GDF15: variants seen among roughly 807,000 people sequenced by gnomAD.
The protein encoded by GDF15 is growth/differentiation factor 15.
In GDF15, 10 loss-of-function variants were observed where a neutral mutation model predicts 8.9. The ratio of observed to expected loss-of-function variants is 1.12; its 90% confidence interval spans 0.69 to 1.90. The LOEUF is 1.90. Among genes scored for constraint, GDF15 ranks in the 40% most tolerant of loss-of-function variants. The probability of loss-of-function intolerance (pLI) is 0.00; values close to 1 mark genes in which losing one functional copy is unlikely to be tolerated. For synonymous variants in GDF15, 228 were observed against 210.6 expected (o/e 1.08, Z -0.72); for missense variants, 452 against 434.2 (o/e 1.04, Z -0.36).
Position 18,388,288 on chromosome 19 carries a change from C to T in GDF15, c.280C>T (p.Arg94Trp), listed in dbSNP as rs773905547. The T allele has an allele frequency of 1.8e-5, 29 of 1,609,978 alleles. No homozygotes were observed. The Admixed American group carries it at 2.0e-4, about 11-fold the overall frequency. ...PAVRILTPEVRLGSGGHLHLR... is the reference protein window; with the variant it reads ...PAVRILTPEVWLGSGGHLHLR... ...CTTCCCTATCTGTCTTCCCACAGTG[C>T]GGCTGGGATCCGGCGGCCACCTGCA... The change falls in exon 2 of 2, where the codon CGG becomes TGG. Residue 94 changes from arginine (R) to tryptophan (W), a missense_variant and splice_region_variant. Transcript: ENST00000252809. The surrounding 1 kb of genome is among the most constrained non-coding windows in gnomAD (Gnocchi z 4.2).
chr19:18,388,431 G>C lies in GDF15; in HGVS notation c.423G>C (p.Leu141=). 6.2e-7 allele frequency: 1 copy of C among 1,610,318 alleles called. No homozygotes were observed. Among genetic ancestry groups the C allele is most frequent in the Non-Finnish European group, 8.5e-7 (1 of 1,179,304 alleles). ...GGTCGTGGGACGTGACACGACCGCT[G>C]CGGCGTCAGCTCAGCCTTGCAAGAC... is the stretch of plus-strand genomic sequence containing the variant. The part of the protein sequence containing the change: ...ASRSWDVTRP[L]RRQLSLARPQ... The change falls in exon 2 of 2, where the codon CTG becomes CTC. Residue 141 remains leucine, a synonymous_variant. Coordinates refer to ENST00000252809, the MANE Select transcript of GDF15 (RefSeq NM_004864.4). The surrounding 1 kb of genome is among the most constrained non-coding windows in gnomAD (Gnocchi z 4.2).
At position 18,388,137 on chromosome 19, in the gene GDF15, A is replaced by G; in HGVS notation, c.278-149A>G. 1 of 685,768 alleles carries G rather than the reference A, an allele frequency of 1.5e-6. No homozygotes were observed. The highest frequency in any genetic ancestry group is 2.8e-5 in the East Asian group (1 of 35,366). The allele number at this position is 685,768 out of a possible 1,614,324, so 42.5% of individuals were successfully genotyped here. A position where few individuals can be genotyped will look rare whatever the true frequency, so the allele number is the denominator to read the frequency against. ...GGCGTGAGCCACCGCGCCCGCACGGAGAAATGCTCTTGGTAGGGGAAATAA... is the reference window on the plus strand; with the variant it reads ...GGCGTGAGCCACCGCGCCCGCACGGGGAAATGCTCTTGGTAGGGGAAATAA... On this transcript the variant is annotated intron_variant, in intron 1 of 1. Coordinates refer to ENST00000252809, the MANE Select transcript of GDF15 (RefSeq NM_004864.4). This position sits in a 1 kb window ranked among gnomAD's most constrained non-coding sequence, Gnocchi z 4.2.
Position 18,386,437 on chromosome 19 carries a change from C to A in GDF15, c.248C>A (p.Ala83Asp). ...GATTCGAACACCGACCTCGTCCCGG[C>A]CCCTGCAGTCCGGATACTCACGCCA... is the stretch of plus-strand genomic sequence containing the variant. ...WEDSNTDLVPAPAVRILTPEV... is the reference protein window; with the variant it reads ...WEDSNTDLVPDPAVRILTPEV... Residue 83 changes from alanine to aspartate, a missense_variant, in exon 1 of 2, where the codon GCC becomes GAC. Physicochemically the swap from Ala to Asp is moderately radical, Grantham distance 126. Transcript: ENST00000252809. 1 of 1,613,250 alleles carries A rather than the reference C, an allele frequency of 6.2e-7. No homozygotes were observed. The highest frequency in any genetic ancestry group is 8.5e-7 in the Non-Finnish European group (1 of 1,179,848).
chr19:18,388,238 A>G lies in GDF15; in HGVS notation c.278-48A>G. The G allele has an allele frequency of 6.4e-7, 1 of 1,562,588 alleles. No homozygotes were observed. On this transcript the variant is annotated intron_variant, in intron 1 of 1. Coordinates refer to ENST00000252809, the MANE Select transcript of GDF15 (RefSeq NM_004864.4). This position sits in a 1 kb window ranked among gnomAD's most constrained non-coding sequence, Gnocchi z 4.2. Reference sequence around the variant, plus strand: ...GGAAATGGGCACCCTCGTTCCTGGAAAACGGTAGGCCTGTGGGTGACCAGC... The same window carrying G: ...GGAAATGGGCACCCTCGTTCCTGGAGAACGGTAGGCCTGTGGGTGACCAGC...
Position 18,386,493 on chromosome 19 carries a change from C to G in GDF15, c.277+27C>G, listed in dbSNP as rs1391867493. 4 of 1,587,588 alleles carry G rather than the reference C, an allele frequency of 2.5e-6. No homozygotes were observed. The Admixed American group carries it at 6.7e-5, about 27-fold the overall frequency. On this transcript the variant is annotated intron_variant, in intron 1 of 1. Coordinates refer to ENST00000252809, the MANE Select transcript of GDF15 (RefSeq NM_004864.4). ...TAAGTGAAATCTTAGAGATCCCCTC[C>G]CACCCCCCAAGCAGCCCCCATATCT...
chr19:18,386,200 A>C lies in GDF15; in HGVS notation c.11A>C (p.Gln4Pro). Reference sequence around the variant, plus strand: ...GCAACCTGCACAGCCATGCCCGGGCAAGAACTCAGGACGGTGAATGGCTCT... The same window carrying C: ...GCAACCTGCACAGCCATGCCCGGGCCAGAACTCAGGACGGTGAATGGCTCT... The part of the protein sequence containing the change: MPG[Q>P]ELRTVNGSQM... Residue 4 changes from glutamine to proline, a missense_variant, in exon 1 of 2, where the codon CAA becomes CCA. By Grantham distance (76) the Gln-to-Pro change is moderately conservative. Transcript: ENST00000252809. 4 of 1,611,652 alleles carry C rather than the reference A, an allele frequency of 2.5e-6. No homozygotes were observed. The highest frequency in any genetic ancestry group is 3.4e-6 in the Non-Finnish European group (4 of 1,179,310).
Position 18,386,216 on chromosome 19 carries a change from G to A in GDF15, c.27G>A (p.Val9=). The A allele has an allele frequency of 6.2e-7, 1 of 1,612,704 alleles. No individual in the cohort carries two copies. The highest frequency in any genetic ancestry group is 8.5e-7 in the Non-Finnish European group (1 of 1,179,852). The stretch of plus-strand genomic sequence containing the variant: ...TGCCCGGGCAAGAACTCAGGACGGT[G>A]AATGGCTCTCAGATGCTCCTGGTGT... MPGQELRT[V]NGSQMLLVLL... is the part of the protein sequence containing the mutation. The change falls in exon 1 of 2, where the codon GTG becomes GTA. Residue 9 remains valine (V), a synonymous_variant. Coordinates refer to ENST00000252809, the MANE Select transcript of GDF15 (RefSeq NM_004864.4).
In GDF15 at chr19:18,388,857, G is replaced by T; in HGVS notation, c.849G>T (p.Val283=). 6.2e-7 allele frequency: 1 copy of T among 1,612,166 alleles called. No homozygotes were observed. Residue 283 remains valine (V), a synonymous_variant, in exon 2 of 2, where the codon GTG becomes GTT. Coordinates refer to ENST00000252809, the MANE Select transcript of GDF15 (RefSeq NM_004864.4). The surrounding 1 kb of genome is among the most constrained non-coding windows in gnomAD (Gnocchi z 4.2). ...TGCCCGCCAGCTACAATCCCATGGT[G>T]CTCATTCAAAAGACCGACACCGGGG... ...CCVPASYNPM[V]LIQKTDTGVS...
Position 18,388,447 on chromosome 19 carries a change from C to T in GDF15, c.439C>T (p.Leu147Phe). The change falls in exon 2 of 2, where the codon CTT becomes TTT. Residue 147 changes from leucine to phenylalanine, a missense_variant. Physicochemically the swap from Leu to Phe is conservative, Grantham distance 22 (BLOSUM62 0). Transcript: ENST00000252809. This position sits in a 1 kb window ranked among gnomAD's most constrained non-coding sequence, Gnocchi z 4.2. ...VTRPLRRQLS[L>F]ARPQAPALHL... ...ACGACCGCTGCGGCGTCAGCTCAGC[C>T]TTGCAAGACCCCAGGCGCCCGCGCT... 4 of 1,609,958 alleles carry T rather than the reference C, an allele frequency of 2.5e-6. No individual in the cohort carries two copies. The highest frequency in any genetic ancestry group is 2.5e-6 in the Non-Finnish European group (3 of 1,179,344).
At chr19:18,387,812 C>CTTTTTTTTTT (rs1339881442) in intron 1 of GDF15, among the ~76,000 whole-genome samples, 2 of 79,628 alleles carry the variant, frequency 2.5e-5, no homozygotes, top group African/African-American at 1.3e-4. Context: ...GGAGAAATGC[C>CTTTTTTTTTT]CTTTTTTTTT....
Position 18,389,039 on chromosome 19 carries a change from A to G in GDF15, c.*104A>G. On this transcript the variant is annotated 3_prime_UTR_variant, in exon 2 of 2. Coordinates refer to ENST00000252809, the MANE Select transcript of GDF15 (RefSeq NM_004864.4). ...TTCCTGAGACACCCGATTCCTGCCC[A>G]AACAGCTGTATTTATATAAGTCTGT... The G allele has an allele frequency of 1.4e-6, 1 of 712,080 alleles. No homozygotes were observed. The highest frequency in any genetic ancestry group is 1.9e-5 in the South Asian group (1 of 52,216). 44.1% of individuals were successfully genotyped at this position (712,080 alleles called of 1,614,324 possible).
chr19:18,387,299 T>G (rs1971842885), intron 1 of GDF15, among the ~76,000 whole-genome samples: 1 of 152,080 alleles, frequency 6.6e-6, no homozygotes. Context: ...GAGGCCAAGG[T>G]GGGAGCATCG....
At chr19:18,387,823 T>C (rs1280745884) in intron 1 of GDF15, among the ~76,000 whole-genome samples, 2 of 131,274 alleles carry the variant, frequency 1.5e-5, no homozygotes, top group East Asian at 2.2e-4. Context: ...CTTTTTTTTT[T>C]TTTTTTTTTT....
chr19:18,388,328 G>C lies in GDF15; in HGVS notation c.320G>C (p.Arg107Pro), dbSNP rs545070690. Residue 107 changes from arginine to proline, a missense_variant, in exon 2 of 2, where the codon CGG becomes CCG. Coordinates refer to ENST00000252809, the MANE Select transcript of GDF15 (RefSeq NM_004864.4). This position sits in a 1 kb window ranked among gnomAD's most constrained non-coding sequence, Gnocchi z 4.2. Reference protein sequence around the residue: ...SGGHLHLRISRAALPEGLPEA... With the variant: ...SGGHLHLRISPAALPEGLPEA... ...GGCCACCTGCACCTGCGTATCTCTC[G>C]GGCCGCCCTTCCCGAGGGGCTCCCC... is the stretch of plus-strand genomic sequence containing the variant. The C allele has an allele frequency of 1.9e-6, 3 of 1,610,842 alleles. No homozygotes were observed. The highest frequency in any genetic ancestry group is 2.5e-6 in the Non-Finnish European group (3 of 1,179,820).
chr19:18,386,363 A>G lies in GDF15; in HGVS notation c.174A>G (p.Lys58=), dbSNP rs1338851186. 6.2e-7 allele frequency: 1 copy of G among 1,614,086 alleles called. No homozygotes were observed. The highest frequency in any genetic ancestry group is 8.5e-7 in the Non-Finnish European group (1 of 1,180,000). The change falls in exon 1 of 2, where the codon AAA becomes AAG. Residue 58 remains lysine (K), a synonymous_variant. Coordinates refer to ENST00000252809, the MANE Select transcript of GDF15 (RefSeq NM_004864.4). ...ACTCCAGATTCCGAGAGTTGCGGAA[A>G]CGCTACGAGGACCTGCTAACCAGGC... ...SEDSRFRELR[K]RYEDLLTRLR...
At position 18,388,544 on chromosome 19, in the gene GDF15, A is replaced by G; in HGVS notation, c.536A>G (p.Gln179Arg). The change falls in exon 2 of 2, where the codon CAG becomes CGG. Residue 179 changes from glutamine to arginine, a missense_variant. Physicochemically the swap from Gln to Arg is conservative, Grantham distance 43. Coordinates refer to ENST00000252809, the MANE Select transcript of GDF15 (RefSeq NM_004864.4). This position sits in a 1 kb window ranked among gnomAD's most constrained non-coding sequence, Gnocchi z 4.2. ...LLAESSSARP[Q>R]LELHLRPQAA... is the part of the protein sequence containing the mutation. Reference sequence around the variant, plus strand: ...GCAGAATCTTCGTCCGCACGGCCCCAGCTGGAGTTGCACTTGCGGCCGCAA... The same window carrying G: ...GCAGAATCTTCGTCCGCACGGCCCCGGCTGGAGTTGCACTTGCGGCCGCAA... The G allele has an allele frequency of 1.9e-6, 3 of 1,597,560 alleles. No individual in the cohort carries two copies. Among genetic ancestry groups the G allele is most frequent in the South Asian group, 2.2e-5 (2 of 90,090 alleles).
chr19:18,388,317 G>T lies in GDF15; in HGVS notation c.309G>T (p.Leu103=). ...TGGGATCCGGCGGCCACCTGCACCT[G>T]CGTATCTCTCGGGCCGCCCTTCCCG... ...VRLGSGGHLH[L]RISRAALPEG... Residue 103 remains leucine (L), a synonymous_variant, in exon 2 of 2, where the codon CTG becomes CTT. Coordinates refer to ENST00000252809, the MANE Select transcript of GDF15 (RefSeq NM_004864.4). This position sits in a 1 kb window ranked among gnomAD's most constrained non-coding sequence, Gnocchi z 4.2. The T allele has an allele frequency of 6.2e-7, 1 of 1,610,810 alleles. No individual in the cohort carries two copies. The highest frequency in any genetic ancestry group is 8.5e-7 in the Non-Finnish European group (1 of 1,179,822).
rs1172806656 is a variant in GDF15, at chr19:18,388,212, G to C, written c.278-74G>C. ...GGTGAGATCCAGCTTGGCGTGTTAG[G>C]GGAAATGGGCACCCTCGTTCCTGGA... is the stretch of plus-strand genomic sequence containing the variant. On this transcript the variant is annotated intron_variant, in intron 1 of 1. Coordinates refer to ENST00000252809, the MANE Select transcript of GDF15 (RefSeq NM_004864.4). The surrounding 1 kb of genome is among the most constrained non-coding windows in gnomAD (Gnocchi z 4.2). 3 of 1,369,484 alleles carry C rather than the reference G, an allele frequency of 2.2e-6. No homozygotes were observed. The East Asian group carries it at 7.1e-5, about 32-fold the overall frequency. The allele number at this position is 1,369,484 out of a possible 1,614,324, so 84.8% of individuals were successfully genotyped here.
Position 18,388,319 on chromosome 19 carries a change from G to C in GDF15, c.311G>C (p.Arg104Pro). The change falls in exon 2 of 2, where the codon CGT becomes CCT. Residue 104 changes from arginine (R) to proline (P), a missense_variant. Physicochemically the swap from Arg to Pro is moderately radical, Grantham distance 103. Transcript: ENST00000252809. The surrounding 1 kb of genome is among the most constrained non-coding windows in gnomAD (Gnocchi z 4.2). ...RLGSGGHLHL[R>P]ISRAALPEGL... is the part of the protein sequence containing the mutation. ...GGATCCGGCGGCCACCTGCACCTGC[G>C]TATCTCTCGGGCCGCCCTTCCCGAG... 6.2e-7 allele frequency: 1 copy of C among 1,610,780 alleles called. No homozygotes were observed. The highest frequency in any genetic ancestry group is 8.5e-7 in the Non-Finnish European group (1 of 1,179,816).
Sources: gnomAD v4.1 joint callset for allele counts (sites outside exome capture counted in the v4.1 genomes callset) on GRCh38, gnomAD v4.1.1 for gene constraint, Gnocchi (gnomAD v3.1) non-coding constraint, MANE v1.5 for transcripts, NCBI Gene and HGNC (gene_info 2026-07-23, HGNC 2026-07-21) for gene names.